LINGO2: variants seen among roughly 807,000 people sequenced by gnomAD.
LINGO2 encodes leucine rich repeat and Ig domain containing 2, also known as leucine-rich repeat and immunoglobulin-like domain-containing nogo receptor-interacting protein 2.
In LINGO2, 14 loss-of-function variants were observed where a neutral mutation model predicts 30.6. The observed-to-expected ratio is 0.46, with a 90% CI of 0.30 to 0.72. The LOEUF (loss-of-function observed/expected upper bound fraction) is 0.72. Ranked by LOEUF, LINGO2 falls within the 30% of genes least tolerant of loss-of-function variation. LINGO2 has a pLI of 0.07. For synonymous variants in LINGO2, 317 were observed against 288.5 expected, an observed-to-expected ratio of 1.10 and a Z score of -1.00; for missense variants, 729 against 751.7, an observed-to-expected ratio of 0.97 and a Z score of 0.35.
chr9:28,576,419 C>T (rs553659684), intron 1 of LINGO2, among the ~76,000 whole-genome samples: 2 of 151,056 alleles, frequency 1.3e-5, no homozygotes, highest in East Asian at 1.9e-4. Context: ...TGTGTGTGTG[C>T]GTATTCTTCA....
At chr9:28,310,214 T>G (rs991694527) in intron 3 of LINGO2, among the ~76,000 whole-genome samples, 1 of 152,164 alleles carries the variant, frequency 6.6e-6, no homozygotes, top group East Asian at 1.9e-4. Context: ...ATGGAACATA[T>G]GACATACAAA....
chr9:28,567,114 A>T (rs1031351058), intron 1 of LINGO2, among the ~76,000 whole-genome samples: 2 of 152,084 alleles, frequency 1.3e-5, no homozygotes, highest in African/African-American at 4.8e-5. Flanking sequence ...TATAGTCAGA[A>T]TTTTTTTGCA....
At chr9:28,920,608 C>T in the LINGO2 span, among the ~76,000 whole-genome samples, 111,583 of 152,072 alleles carry the variant, frequency 0.73, 41,132 homozygotes, top group Non-Finnish European at 0.78. Flanking sequence ...CTAAATAATG[C>T]TTTGGAATTT....
intron 4 of LINGO2, among the ~76,000 whole-genome samples, chr9:28,121,223 T>C (rs1361075993): frequency 3.3e-5 from 5 of 150,552 alleles, no homozygotes; most frequent in African/African-American, 1.2e-4. Flanking sequence ...ATATGCTGTT[T>C]CTCAGTGCAG....
the LINGO2 span, among the ~76,000 whole-genome samples, chr9:28,916,788 T>C: frequency 7.2e-5 from 5 of 69,552 alleles, no homozygotes; most frequent in African/African-American, 2.2e-4. Context: ...CTAAATTAAT[T>C]GAGACTTGTT....
the LINGO2 span, among the ~76,000 whole-genome samples, chr9:28,809,745 C>CAAAAA: frequency 1.0e-5 from 1 of 96,426 alleles, no homozygotes; most frequent in African/African-American, 4.2e-5. Flanking sequence ...GACTCTGTCT[C>CAAAAA]AAAAAAAAAA....
At chr9:28,929,589 G>A in the LINGO2 span, among the ~76,000 whole-genome samples, 1 of 152,094 alleles carries the variant, frequency 6.6e-6, no homozygotes, top group Admixed American at 6.6e-5. Context: ...TACTGATCCT[G>A]AGGAGCTATA....
the LINGO2 span, among the ~76,000 whole-genome samples, chr9:28,959,697 T>C: frequency 6.6e-6 from 1 of 151,676 alleles, no homozygotes; most frequent in Non-Finnish European, 1.5e-5. Context: ...CCCAGTTCTA[T>C]CTAATACTGA....
chr9:28,690,870 C>T, the LINGO2 span, among the ~76,000 whole-genome samples: 3,232 of 152,244 alleles, frequency 0.021, 84 homozygotes, highest in African/African-American at 0.053. Flanking sequence ...CAGAGACTTA[C>T]ACAAACACAC....
At chr9:28,017,557 T>A (rs185155132) in intron 4 of LINGO2, among the ~76,000 whole-genome samples, 5 of 152,250 alleles carry the variant, frequency 3.3e-5, no homozygotes, top group Admixed American at 6.5e-5. Flanking sequence ...TCAGTAGTAC[T>A]TCTATATATC....
At chr9:28,917,413 C>CA in the LINGO2 span, among the ~76,000 whole-genome samples, 26 of 148,548 alleles carry the variant, frequency 1.8e-4, no homozygotes, top group South Asian at 1.1e-3. Context: ...AAACAAAACT[C>CA]AAAAAAAAAA....
At chr9:29,143,148 T>C in the LINGO2 span, among the ~76,000 whole-genome samples, 1 of 152,038 alleles carries the variant, frequency 6.6e-6, no homozygotes, top group African/African-American at 2.4e-5. Context: ...TTTAAAAACA[T>C]ACAAATAAGT....
Position 28,418,275 on chromosome 9 carries a change from CTT to C in LINGO2, c.-278-45409_-278-45408del, listed in dbSNP as rs3064826. On this transcript the variant is annotated intron_variant, in intron 2 of 5. Coordinates refer to ENST00000379992, the Ensembl canonical transcript of LINGO2. ...TACTTATGTAATGTTAGGCCATGTA[CTT>C]TTTTTTTTTTTTTTTTTTTGAGATG... Among the ~76,000 whole-genome samples, 582 of 106,712 alleles carry C rather than the reference CTT, an allele frequency of 5.5e-3. 2 individuals carry two copies. Among genetic ancestry groups the C allele is most frequent in the African/African-American group, 0.014 (385 of 27,296 alleles). 70.0% of individuals were successfully genotyped at this position (106,712 alleles called of 152,430 possible). A position where few individuals can be genotyped will look rare whatever the true frequency, so the allele number is the denominator to read the frequency against.
intron 4 of LINGO2, among the ~76,000 whole-genome samples, chr9:28,020,266 A>C (rs1823047432): frequency 6.6e-6 from 1 of 152,086 alleles, no homozygotes; most frequent in Non-Finnish European, 1.5e-5. Context: ...GGCTTATACA[A>C]TAAACTAGAA....
At chr9:29,026,636 T>C in the LINGO2 span, among the ~76,000 whole-genome samples, 8 of 152,136 alleles carry the variant, frequency 5.3e-5, no homozygotes. Context: ...TATCCAAAAA[T>C]ATTATGAATT....
At chr9:28,252,586 T>C (rs1184824843) in intron 4 of LINGO2, among the ~76,000 whole-genome samples, 2 of 152,126 alleles carry the variant, frequency 1.3e-5, no homozygotes, top group Non-Finnish European at 2.9e-5. Context: ...ATGAGTCATA[T>C]TGTAACATAA....
chr9:29,130,676 A>G, the LINGO2 span, among the ~76,000 whole-genome samples: 36,855 of 152,042 alleles, frequency 0.24, 4,623 homozygotes, highest in East Asian at 0.41. Flanking sequence ...ATTTTAGCAC[A>G]CTTTTCAAAA....
At chr9:29,068,180 T>C in the LINGO2 span, among the ~76,000 whole-genome samples, 1 of 151,614 alleles carries the variant, frequency 6.6e-6, no homozygotes, top group Non-Finnish European at 1.5e-5. Flanking sequence ...CAATCAGAAC[T>C]TGCAAATAAA....
At chr9:28,855,670 C>G in the LINGO2 span, among the ~76,000 whole-genome samples, 3 of 151,880 alleles carry the variant, frequency 2.0e-5, no homozygotes, top group Non-Finnish European at 4.4e-5. Context: ...CACACACATA[C>G]ACACACACAA....
Sources: gnomAD v4.1 joint callset for allele counts (sites outside exome capture counted in the v4.1 genomes callset) on GRCh38, gnomAD v4.1.1 for gene constraint, MANE v1.5 for transcripts, NCBI Gene and HGNC (gene_info 2026-07-23, HGNC 2026-07-21) for gene names.